The following BACH2 variants were observed in gnomAD, a reference collection of about 807,000 sequenced individuals.
BACH2 encodes the protein BACH transcriptional regulator 2.
A neutral mutation model predicts 61.8 loss-of-function variants in BACH2; 5 were observed. The observed-to-expected ratio is 0.08, with a 90% confidence interval of 0.04 to 0.17. The LOEUF (loss-of-function observed/expected upper bound fraction) is 0.17. Ranked by LOEUF, BACH2 falls within the 10% of genes least tolerant of loss-of-function variation. BACH2 has a pLI of 1.00. For missense variants in BACH2, 824 were observed against 1,091.1 expected (o/e 0.76, Z 3.45); for synonymous variants, 446 against 440.1 (o/e 1.01, Z -0.17).
intron 4 of BACH2, among the ~76,000 whole-genome samples, chr6:90,149,898 A>G (rs999207487): frequency 6.6e-6 from 1 of 152,166 alleles, no homozygotes; most frequent in Non-Finnish European, 1.5e-5. Flanking sequence ...CAGGCACTGC[A>G]ATATCACCTC....
intron 4 of BACH2, among the ~76,000 whole-genome samples, chr6:90,129,162 T>A (rs1783993589): frequency 6.6e-6 from 1 of 152,086 alleles, no homozygotes; most frequent in African/African-American, 2.4e-5. Context: ...GGCACATGTA[T>A]ACATATGTAA....
chr6:90,142,359 C>T (rs2127827189), intron 4 of BACH2, among the ~76,000 whole-genome samples: 1 of 152,304 alleles, frequency 6.6e-6, no homozygotes, highest in African/African-American at 2.4e-5. Flanking sequence ...AAGACTTGCT[C>T]AGCATGGCAT....
At position 90,252,286 on chromosome 6, in the gene BACH2, T is replaced by G. The variant is rs1054093377; in HGVS notation, c.-275+227A>C. ...TATCACCTGCCATAATCAAAATTCC[T>G]GGGCACATGGGAAGGTCTCTGACTC... On this transcript the variant is annotated intron_variant, in intron 3 of 8. Transcript: ENST00000257749. 3.3e-5 allele frequency among the ~76,000 whole-genome samples: 5 copies of G among 152,140 alleles called. No homozygotes were observed. In the South Asian group the frequency reaches 8.3e-4, roughly 25 times the overall value.
chr6:89,933,418 G>A (rs1014963986), intron 8 of BACH2, among the ~76,000 whole-genome samples: 30 of 152,150 alleles, frequency 2.0e-4, no homozygotes, highest in African/African-American at 7.0e-4. Context: ...GGATTTGGGG[G>A]CAGTGAAGCC....
At position 90,062,776 on chromosome 6, in the gene BACH2, TA is replaced by T. The variant is rs1780751645; in HGVS notation, c.-13+26184del. 1.2e-5 allele frequency: 3 copies of T among 244,204 alleles called. No homozygotes were observed. In the South Asian group the frequency reaches 4.6e-4, roughly 37 times the overall value. 15.1% of individuals were successfully genotyped at this position (244,204 alleles called of 1,614,324 possible). ...TCTCCAACTGTTTTTTTTTTTTCCCTAAAGTGTAGTGACCAGCAATTGACAA... is the reference window on the plus strand; with the variant it reads ...TCTCCAACTGTTTTTTTTTTTTCCCTAAGTGTAGTGACCAGCAATTGACAA... On this transcript the variant is annotated intron_variant, in intron 5 of 8. Coordinates refer to ENST00000257749, the MANE Select transcript of BACH2 (RefSeq NM_021813.4).
chr6:89,960,714 T>C (rs1346871607), intron 6 of BACH2, among the ~76,000 whole-genome samples: 3 of 152,208 alleles, frequency 2.0e-5, no homozygotes, highest in South Asian at 2.1e-4. Flanking sequence ...TAGCTAAGTA[T>C]TGGTCCTTAG....
intron 4 of BACH2, among the ~76,000 whole-genome samples, chr6:90,159,198 C>A (rs1016146516): frequency 3.3e-5 from 5 of 152,132 alleles, no homozygotes; most frequent in Non-Finnish European, 5.9e-5. Context: ...AAATCAACTA[C>A]GTGGTCTAGT....
At chr6:90,134,780 A>AAT (rs1230627874) in intron 4 of BACH2, among the ~76,000 whole-genome samples, 8 of 152,202 alleles carry the variant, frequency 5.3e-5, no homozygotes, top group African/African-American at 1.9e-4. Flanking sequence ...GCCTTGTGCA[A>AAT]ATAACTGGCA....
intron 5 of BACH2, among the ~76,000 whole-genome samples, chr6:90,022,326 G>A (rs1778421675): frequency 6.6e-6 from 1 of 152,212 alleles, no homozygotes; most frequent in South Asian, 2.1e-4. Flanking sequence ...GCTCATGCCT[G>A]TAATCCCAGC....
chr6:90,219,740 C>T (rs1367371766), intron 3 of BACH2, among the ~76,000 whole-genome samples: 1 of 151,316 alleles, frequency 6.6e-6, no homozygotes, highest in Non-Finnish European at 1.5e-5. Context: ...GCTGTGGTGC[C>T]CTTCATACTC....
chr6:90,164,908 G>A (rs2127834682), intron 4 of BACH2, among the ~76,000 whole-genome samples: 1 of 152,258 alleles, frequency 6.6e-6, no homozygotes, highest in African/African-American at 2.4e-5. Context: ...TTGATGGGAT[G>A]TATCTCAAAA....
At chr6:89,998,916 T>C (rs1055643753) in intron 6 of BACH2, among the ~76,000 whole-genome samples, 6 of 152,262 alleles carry the variant, frequency 3.9e-5, no homozygotes, top group African/African-American at 7.2e-5. Context: ...CCTGAAGACA[T>C]TGGGTGACAT....
intron 4 of BACH2, among the ~76,000 whole-genome samples, chr6:90,131,275 AAGTCCT>A (rs1263532708): frequency 1.3e-5 from 2 of 152,238 alleles, no homozygotes; most frequent in Non-Finnish European, 2.9e-5. Flanking sequence ...AGCCTGCTTC[AAGTCCT>A]GTGTCAGCTG....
rs74769078 is a variant in BACH2, at chr6:90,124,618, C to T, written c.-161-35509G>A. On this transcript the variant is annotated intron_variant, in intron 4 of 8. Coordinates refer to ENST00000257749, the MANE Select transcript of BACH2 (RefSeq NM_021813.4). ...TGGTAATAAATACAAACCTTATGAT[C>T]TTTCTTAATATATGTACGGTATTCT... Among the ~76,000 whole-genome samples, 1,401 of 152,260 alleles carry T rather than the reference C, an allele frequency of 9.2e-3. 13 individuals carry two copies. Among genetic ancestry groups the T allele is most frequent in the Middle Eastern group, 0.017 (5 of 294 alleles).
At chr6:90,079,908 T>C (rs920765023) in intron 5 of BACH2, among the ~76,000 whole-genome samples, 4 of 151,920 alleles carry the variant, frequency 2.6e-5, no homozygotes, top group Non-Finnish European at 4.4e-5. Flanking sequence ...TTAGTGTTTG[T>C]ACTTTCATTT....
chr6:90,202,427 C>T (rs1030982471), intron 4 of BACH2, among the ~76,000 whole-genome samples: 3 of 151,954 alleles, frequency 2.0e-5, no homozygotes, highest in African/African-American at 7.3e-5. Flanking sequence ...GGAAAATATT[C>T]AGAGAAAAAA....
chr6:90,036,860 CTCCA>C (rs1200913911), intron 5 of BACH2, among the ~76,000 whole-genome samples: 3 of 152,148 alleles, frequency 2.0e-5, no homozygotes, highest in Non-Finnish European at 4.4e-5. Context: ...ATCCCTTATA[CTCCA>C]TCCCAGTCAT....
chr6:90,281,997 A>G (rs1264115288), intron 1 of BACH2, among the ~76,000 whole-genome samples: 4 of 152,002 alleles, frequency 2.6e-5, no homozygotes, highest in East Asian at 1.9e-4. Flanking sequence ...ACACCCTTCT[A>G]TATGTGGTTA....
At chr6:89,978,814 A>T (rs1455124750) in intron 6 of BACH2, among the ~76,000 whole-genome samples, 1 of 152,156 alleles carries the variant, frequency 6.6e-6, no homozygotes, top group Non-Finnish European at 1.5e-5. Flanking sequence ...TTTTTATAAA[A>T]TGCACGCTGT....
Sources: allele counts gnomAD v4.1 joint callset (sites outside exome capture counted in the v4.1 genomes callset), GRCh38; gene constraint gnomAD v4.1.1; transcripts MANE v1.5; gene names NCBI Gene and HGNC (gene_info 2026-07-23, HGNC 2026-07-21).